APRT: variants seen among roughly 807,000 people sequenced by gnomAD.
APRT encodes the protein AMP diphosphorylase.
APRT carries 25 observed loss-of-function variants against 21.0 expected under a neutral mutation model. That is an observed-to-expected ratio of 1.19 (90% CI 0.87 to 1.66). The LOEUF (loss-of-function observed/expected upper bound fraction) is 1.66, where lower values mean the gene tolerates loss of function less well. APRT is among the 40% of genes most tolerant of loss of function. The probability of loss-of-function intolerance (pLI) is 0.00; values close to 1 mark genes in which losing one functional copy is unlikely to be tolerated. For missense variants in APRT, 294 were observed against 232.7 expected, an observed-to-expected ratio of 1.26 and a Z score of -1.72; for synonymous variants, 153 against 109.0, an observed-to-expected ratio of 1.40 and a Z score of -2.52.
rs768728470 is a variant in APRT at position 88,809,371 on chromosome 16, G to C, written c.*327C>G. 1.0e-5 allele frequency: 5 copies of C among 496,672 alleles called. No homozygotes were observed. Among genetic ancestry groups the C allele is most frequent in the Non-Finnish European group, 2.0e-5 (5 of 254,906 alleles). 30.8% of individuals were successfully genotyped at this position (496,672 alleles called of 1,614,324 possible). On this transcript the variant is annotated 3_prime_UTR_variant, in exon 5 of 5. Transcript: ENST00000378364. Reference sequence around the variant, plus strand: ...GGTGAGAACCAGGACAGGTTCTGCTGGGCATCACGCCAAGCAGCACATGCC... The same window carrying C: ...GGTGAGAACCAGGACAGGTTCTGCTCGGCATCACGCCAAGCAGCACATGCC...
In APRT at chr16:88,810,479, G is replaced by A. The variant is rs752166198; in HGVS notation, c.265C>T (p.Arg89Trp). 21 of 1,612,112 alleles carry A rather than the reference G, an allele frequency of 1.3e-5. No homozygotes were observed. The highest frequency in any genetic ancestry group is 1.2e-4 in the South Asian group (11 of 91,074). ...LGLGCVLIRK[R>W]GKLPGPTLWA... ...AGAGTGGGGCCTGGCAGCTTCCCCCGCTTTCGGATGAGCACGCAGCCCAGT... is the reference window on the plus strand; with the variant it reads ...AGAGTGGGGCCTGGCAGCTTCCCCCACTTTCGGATGAGCACGCAGCCCAGT... Residue 89 changes from arginine to tryptophan, a missense_variant, in exon 3 of 5, where the codon CGG (arginine) becomes TGG (tryptophan). Coordinates refer to ENST00000378364, the MANE Select transcript of APRT (RefSeq NM_000485.3).
Position 88,809,732 on chromosome 16 carries a change from G to A in APRT, c.509C>T (p.Pro170Leu), listed in dbSNP as rs1909035264. 2.5e-6 allele frequency: 4 copies of A among 1,613,412 alleles called. No homozygotes were observed. The highest frequency in any genetic ancestry group is 3.4e-6 in the Non-Finnish European group (4 of 1,180,008). ...TSLKGREKLAPVPFFSLLQYE is the reference protein window; with the variant it reads ...TSLKGREKLALVPFFSLLQYE ...CTGCAGGAGAGAGAAGAAGGGTACA[G>A]GTGCCAGCTTCTCCCTGCCCTTAAG... is the stretch of plus-strand genomic sequence containing the variant. The change falls in exon 5 of 5, where the codon CCT becomes CTT. Residue 170 changes from proline (P) to leucine (L), a missense_variant. By Grantham distance (98) the Pro-to-Leu change is moderately conservative. Coordinates refer to ENST00000378364, the MANE Select transcript of APRT (RefSeq NM_000485.3).
intron 1 of APRT, 49 bp downstream of exon 1, chr16:88,811,771 T>TC: frequency 6.6e-7 from 1 of 1,523,192 alleles, no homozygotes; most frequent in Non-Finnish European, 8.8e-7. Context: ...CGCGCTCCCA[T>TC]CCGTAGGCCC....
intron 2 of APRT, 49 bp downstream of exon 2, chr16:88,811,501 G>T (rs755287301): frequency 1.3e-6 from 2 of 1,514,188 alleles, no homozygotes; most frequent in Admixed American, 1.9e-5. Flanking sequence ...TGCTGCCCTC[G>T]GCGCGCGCAG....
At chr16:88,810,007 G>A in intron 4 of APRT, 63 bp downstream of exon 4, 3 of 1,587,750 alleles carry the variant, frequency 1.9e-6, no homozygotes, top group Non-Finnish European at 2.6e-6. Context: ...CACACAGCGA[G>A]GTCCTGTCCC....
intron 2 of APRT, 140 bp from the exon 3 acceptor site, chr16:88,810,696 C>T: frequency 8.7e-7 from 1 of 1,146,090 alleles, no homozygotes; most frequent in South Asian, 1.4e-5. Context: ...TACCCATCAC[C>T]TACCCGGAGC....
Position 88,811,816 on chromosome 16 carries a change from G to A in APRT, c.80+4C>T. On this transcript the variant is annotated splice_donor_region_variant and intron_variant, in intron 1 of 4. Transcript: ENST00000378364. Reference sequence around the variant, plus strand: ...GGCGCCACGAGGGCGGCCTGTGCGTGCACCTGAATACCACGCCTGGGGTGG... The same window carrying A: ...GGCGCCACGAGGGCGGCCTGTGCGTACACCTGAATACCACGCCTGGGGTGG... The A allele has an allele frequency of 1.3e-6, 2 of 1,563,730 alleles. No homozygotes were observed. Among genetic ancestry groups the A allele is most frequent in the Admixed American group, 1.9e-5 (1 of 52,880 alleles).
chr16:88,811,274 A>T (rs1016976071), intron 2 of APRT: 1 of 535,406 alleles, frequency 1.9e-6, no homozygotes, highest in African/African-American at 2.0e-5. Flanking sequence ...CTGTGGATTC[A>T]GCTTGGGCAC....
At position 88,809,751 on chromosome 16, in the gene APRT, C is replaced by T; in HGVS notation, c.490G>A (p.Gly164Ser). Residue 164 changes from glycine to serine, a missense_variant, in exon 5 of 5, where the codon GGC becomes AGC. Physicochemically the swap from Gly to Ser is moderately conservative, Grantham distance 56. Coordinates refer to ENST00000378364, the MANE Select transcript of APRT (RefSeq NM_000485.3). The stretch of plus-strand genomic sequence containing the variant: ...GGTACAGGTGCCAGCTTCTCCCTGC[C>T]CTTAAGCGAGGTCAGCTCCACCAGG... ...VSLVELTSLK[G>S]REKLAPVPFF... is the part of the protein sequence containing the mutation. 2 of 1,613,398 alleles carry T rather than the reference C, an allele frequency of 1.2e-6. No individual in the cohort carries two copies. The highest frequency in any genetic ancestry group is 1.7e-5 in the Admixed American group (1 of 60,018).
chr16:88,811,879 C>A lies in APRT; in HGVS notation c.21G>T (p.Gln7His). Reference sequence around the variant, plus strand: ...AGCTGCGGATCCGCTGCTCAACCAGCTGCAGCTCGGAGTCGGCCATGGCCG... The same window carrying A: ...AGCTGCGGATCCGCTGCTCAACCAGATGCAGCTCGGAGTCGGCCATGGCCG... MADSEL[Q>H]LVEQRIRSFP... Residue 7 changes from glutamine (Q) to histidine (H), a missense_variant, in exon 1 of 5, where the codon CAG becomes CAT. Transcript: ENST00000378364. 1 of 1,563,066 alleles carries A rather than the reference C, an allele frequency of 6.4e-7. No homozygotes were observed. Among genetic ancestry groups the A allele is most frequent in the Admixed American group, 1.9e-5 (1 of 52,848 alleles).
rs1214283563 is a variant in APRT at position 88,811,561 on chromosome 16, T to A, written c.176A>T (p.Asp59Val). Residue 59 changes from aspartate (D) to valine (V), a missense_variant, in exon 2 of 5, where the codon GAC becomes GTC. Physicochemically the swap from Asp to Val is radical, Grantham distance 152. Coordinates refer to ENST00000378364, the MANE Select transcript of APRT (RefSeq NM_000485.3). ...CACTGGGCACTCGCCTGCGATGTAG[T>A]CGATGCGGCCCCCGTGGGTCGCCTT... Reference protein sequence around the residue: ...HLKATHGGRIDYIAGLDSRGF... With the variant: ...HLKATHGGRIVYIAGLDSRGF... The A allele has an allele frequency of 1.3e-6, 2 of 1,596,960 alleles. No homozygotes were observed. Among genetic ancestry groups the A allele is most frequent in the Non-Finnish European group, 1.7e-6 (2 of 1,173,090 alleles).
chr16:88,811,522 G>A (rs113612140), intron 2 of APRT, 28 bp downstream of exon 2: 6 of 1,556,804 alleles, frequency 3.9e-6, no homozygotes, highest in Non-Finnish European at 4.3e-6. Context: ...AGGCGGAAGC[G>A]CCCTAGATGC....
At chr16:88,811,285 T>G (rs1407122673) in intron 2 of APRT, 1 of 560,046 alleles carries the variant, frequency 1.8e-6, no homozygotes, top group East Asian at 3.1e-5. Flanking sequence ...GCTTGGGCAC[T>G]CCAGGGAGAC....
chr16:88,811,039 G>T (rs752027854), intron 2 of APRT: 1 of 275,456 alleles, frequency 3.6e-6, no homozygotes, highest in East Asian at 8.1e-5. Flanking sequence ...AAGAGCTGGC[G>T]CTTTCCTCAG....
Position 88,809,995 on chromosome 16 carries a change from G to T in APRT, c.400+75C>A, listed in dbSNP as rs1331656452. On this transcript the variant is annotated intron_variant, in intron 4 of 4. Coordinates refer to ENST00000378364, the MANE Select transcript of APRT (RefSeq NM_000485.3). The stretch of plus-strand genomic sequence containing the variant: ...TGGACAACAGTAAGCTGCATCCCAT[G>T]TCACACAGCGAGGTCCTGTCCCACT... The T allele has an allele frequency of 2.5e-6, 4 of 1,576,890 alleles. No individual in the cohort carries two copies. The African/African-American group carries it at 5.4e-5, about 21-fold the overall frequency.
chr16:88,811,470 A>AGCAGAC, intron 2 of APRT, 80 bp downstream of exon 2: 1 of 1,419,094 alleles, frequency 7.0e-7, no homozygotes, highest in Non-Finnish European at 9.6e-7. Flanking sequence ...CCCTCCCCCA[A>AGCAGAC]GCAGACGCGC....
In APRT at chr16:88,809,521, G is replaced by A. The variant is rs764972083; in HGVS notation, c.*177C>T. 6 of 1,016,712 alleles carry A rather than the reference G, an allele frequency of 5.9e-6. No individual in the cohort carries two copies. Among genetic ancestry groups the A allele is most frequent in the African/African-American group, 1.6e-5 (1 of 63,160 alleles). The allele number at this position is 1,016,712 out of a possible 1,614,324, so 63.0% of individuals were successfully genotyped here. ...CCCGCTGTGTGTAATTGGGTTCAGT[G>A]TGGCTGAAACACAGCTTTGCCCCAG... is the stretch of plus-strand genomic sequence containing the variant. On this transcript the variant is annotated 3_prime_UTR_variant, in exon 5 of 5. Coordinates refer to ENST00000378364, the MANE Select transcript of APRT (RefSeq NM_000485.3).
In APRT at chr16:88,810,544, C is replaced by T. The variant is rs762509151; in HGVS notation, c.200G>A (p.Arg67Gln). The change falls in exon 3 of 5, where the codon CGA (arginine) becomes CAA (glutamine). Residue 67 changes from arginine (R) to glutamine (Q), a missense_variant. Coordinates refer to ENST00000378364, the MANE Select transcript of APRT (RefSeq NM_000485.3). The stretch of plus-strand genomic sequence containing the variant: ...CAGGGAGGGGCCAAAGAGGAAGCCT[C>T]GGGAGTCTAGGCCTGTCAGGGTAAG... Reference protein sequence around the residue: ...RIDYIAGLDSRGFLFGPSLAQ... With the variant: ...RIDYIAGLDSQGFLFGPSLAQ... 4.3e-6 allele frequency: 7 copies of T among 1,611,674 alleles called. No individual in the cohort carries two copies. Among genetic ancestry groups the T allele is most frequent in the South Asian group, 2.2e-5 (2 of 90,902 alleles).
intron 2 of APRT, 123 bp from the exon 3 acceptor site, chr16:88,810,679 G>A: frequency 1.5e-6 from 2 of 1,305,042 alleles, no homozygotes; most frequent in African/African-American, 1.5e-5. Context: ...CACCATTTAA[G>A]GAATGTTACC....
Sources: gnomAD v4.1 joint callset for allele counts on GRCh38, gnomAD v4.1.1 for gene constraint, MANE v1.5 for transcripts, NCBI Gene and HGNC (gene_info 2026-07-23, HGNC 2026-07-21) for gene names.